Variants in EYA4 observed in about 807,000 individuals in gnomAD.
EYA4 encodes protein phosphatase EYA4.
Under a neutral mutation model 87.9 loss-of-function variants are expected in EYA4, and 31 were observed. That is an observed-to-expected ratio of 0.35 (90% CI 0.27 to 0.48). The LOEUF (loss-of-function observed/expected upper bound fraction) is 0.48, where lower values mean the gene tolerates loss of function less well. Among genes scored for constraint, EYA4 ranks in the 20% least tolerant of loss-of-function variants. The pLI, the probability that EYA4 is intolerant of heterozygous loss-of-function variation, is 0.99. For missense variants in EYA4, 678 were observed against 761.4 expected, an observed-to-expected ratio of 0.89 and a Z score of 1.29; for synonymous variants, 263 against 270.6, an observed-to-expected ratio of 0.97 and a Z score of 0.28.
chr6:133,442,490 T>G (rs140432553), intron 3 of EYA4, among the ~76,000 whole-genome samples: 4 of 152,292 alleles, frequency 2.6e-5, no homozygotes, highest in Non-Finnish European at 5.9e-5. Context: ...TTTTTTTAGT[T>G]AATATTTTTA....
intron 11 of EYA4, among the ~76,000 whole-genome samples, chr6:133,470,765 A>C (rs371110030): frequency 3.3e-5 from 2 of 60,148 alleles, no homozygotes; most frequent in East Asian, 5.0e-4. Context: ...CTTTTATTTC[A>C]TTGAGCAGTG....
chr6:133,497,105 T>G (rs1321361138), intron 13 of EYA4, among the ~76,000 whole-genome samples: 1 of 152,162 alleles, frequency 6.6e-6, no homozygotes, highest in Non-Finnish European at 1.5e-5. Flanking sequence ...ATGCATTCTC[T>G]CATTAGCTTT....
intron 3 of EYA4, among the ~76,000 whole-genome samples, chr6:133,442,977 C>T (rs12661876): frequency 0.059 from 9,016 of 151,826 alleles, 468 homozygotes; most frequent in East Asian, 0.23. Context: ...TGGCATAAAG[C>T]GCACTTGGTC....
chr6:133,348,884 C>G (rs1470044506), intron 2 of EYA4, among the ~76,000 whole-genome samples: 1 of 152,136 alleles, frequency 6.6e-6, no homozygotes, highest in Non-Finnish European at 1.5e-5. Context: ...AAGATTAAGT[C>G]AGAGCCTGTT....
At chr6:133,269,120 G>A (rs138997205) in intron 1 of EYA4, among the ~76,000 whole-genome samples, 3,171 of 152,170 alleles carry the variant, frequency 0.021, 53 homozygotes, top group Admixed American at 0.042. Flanking sequence ...TTAGCCAGGC[G>A]TGGTGGCACG....
At chr6:133,500,056 G>C (rs1205252821) in intron 13 of EYA4, among the ~76,000 whole-genome samples, 1 of 150,310 alleles carries the variant, frequency 6.7e-6, no homozygotes, top group African/African-American at 2.5e-5. Flanking sequence ...CTGGGGAAGG[G>C]TCTACAAGTG....
chr6:133,462,229 TAA>T (rs1316879119), intron 7 of EYA4, 104 bp from the exon 8 acceptor site: 6 of 1,240,096 alleles, frequency 4.8e-6, no homozygotes, highest in Non-Finnish European at 7.1e-6. Flanking sequence ...ATATTGTGGA[TAA>T]AGAGGATTAC....
At chr6:133,454,197 A>G (rs1160923896) in intron 5 of EYA4, among the ~76,000 whole-genome samples, 2 of 152,164 alleles carry the variant, frequency 1.3e-5, no homozygotes, top group Admixed American at 6.5e-5. Context: ...TTTTGCAAAT[A>G]TTGTTCGTAG....
chr6:133,376,498 T>G (rs1583103350), intron 2 of EYA4, among the ~76,000 whole-genome samples: 1 of 151,930 alleles, frequency 6.6e-6, no homozygotes, highest in East Asian at 1.9e-4. Flanking sequence ...TTTACATTTT[T>G]TATTCCCATT....
intron 3 of EYA4, among the ~76,000 whole-genome samples, chr6:133,393,426 T>C (rs1184185109): frequency 6.6e-6 from 1 of 152,048 alleles, no homozygotes; most frequent in Non-Finnish European, 1.5e-5. Flanking sequence ...TTAAATAAAA[T>C]AGGGAGGATC....
chr6:133,491,239 T>C (rs924336608), intron 13 of EYA4, among the ~76,000 whole-genome samples: 2 of 152,030 alleles, frequency 1.3e-5, no homozygotes, highest in Admixed American at 1.3e-4. Flanking sequence ...TAGCTATAAT[T>C]GTCTGCATCA....
At chr6:133,390,522 C>A (rs917505477) in intron 3 of EYA4, among the ~76,000 whole-genome samples, 1 of 152,156 alleles carries the variant, frequency 6.6e-6, no homozygotes, top group African/African-American at 2.4e-5. Flanking sequence ...GCACCTGGCC[C>A]TATTTCCCTT....
rs539499790 is a variant in EYA4 at position 133,432,571 on chromosome 6, A to G, written c.84-14059A>G. 2.6e-5 allele frequency among the ~76,000 whole-genome samples: 4 copies of G among 151,764 alleles called. 1 individual carries two copies. In the East Asian group the frequency reaches 7.7e-4, roughly 29 times the overall value. ...AGGGAGTTCCCTGACATCTCCTGACACTGCTGTTACATGAATCGTACACAA... is the reference window on the plus strand; with the variant it reads ...AGGGAGTTCCCTGACATCTCCTGACGCTGCTGTTACATGAATCGTACACAA... On this transcript the variant is annotated intron_variant, in intron 3 of 19. Coordinates refer to ENST00000355286, the MANE Select transcript of EYA4 (RefSeq NM_004100.5).
intron 2 of EYA4, among the ~76,000 whole-genome samples, chr6:133,330,014 T>C (rs1781799988): frequency 6.6e-6 from 1 of 152,006 alleles, no homozygotes; most frequent in African/African-American, 2.4e-5. Context: ...CTTGACCATT[T>C]AATGAAACAA....
chr6:133,351,851 C>T (rs1213972177), intron 2 of EYA4, among the ~76,000 whole-genome samples: 3 of 152,104 alleles, frequency 2.0e-5, no homozygotes, highest in Admixed American at 1.3e-4. Flanking sequence ...CTTATGCCCA[C>T]CATCCATCTT....
intron 3 of EYA4, among the ~76,000 whole-genome samples, chr6:133,414,522 G>A (rs896443158): frequency 2.0e-5 from 3 of 152,070 alleles, no homozygotes; most frequent in Non-Finnish European, 2.9e-5. Context: ...TATTTAACAC[G>A]AGATACAGCA....
intron 3 of EYA4, among the ~76,000 whole-genome samples, chr6:133,434,358 C>A (rs978202677): frequency 5.3e-5 from 8 of 152,158 alleles, no homozygotes; most frequent in Non-Finnish European, 1.2e-4. Context: ...AAATGATTTT[C>A]TTGACACTAC....
At chr6:133,455,664 C>A (rs1793836487) in intron 5 of EYA4, among the ~76,000 whole-genome samples, 1 of 152,084 alleles carries the variant, frequency 6.6e-6, no homozygotes, top group Non-Finnish European at 1.5e-5. Flanking sequence ...TTAACTGTAT[C>A]ATTCATTTCA....
At chr6:133,421,839 T>C (rs1319880487) in intron 3 of EYA4, among the ~76,000 whole-genome samples, 1 of 152,224 alleles carries the variant, frequency 6.6e-6, no homozygotes, top group East Asian at 1.9e-4. Context: ...ATAGATAGGA[T>C]TGTGAATTTG....
Sources: gnomAD v4.1 joint callset for allele counts (sites outside exome capture counted in the v4.1 genomes callset) on GRCh38, gnomAD v4.1.1 for gene constraint, MANE v1.5 for transcripts, NCBI Gene and HGNC (gene_info 2026-07-23, HGNC 2026-07-21) for gene names.